The following PREP variants were observed in gnomAD, a reference collection of about 807,000 sequenced individuals.
The protein encoded by PREP is dJ355L5.1 (prolyl endopeptidase).
A neutral mutation model predicts 87.6 loss-of-function variants in PREP; 29 were observed. The observed-to-expected ratio is 0.33, with a 90% CI of 0.25 to 0.45. The LOEUF is 0.45. PREP is among the 20% of genes least tolerant of loss of function. The probability of loss-of-function intolerance (pLI) is 1.00; values close to 1 mark genes in which losing one functional copy is unlikely to be tolerated. For missense variants in PREP, 695 were observed against 886.5 expected, an observed-to-expected ratio of 0.78 and a Z score of 2.74; for synonymous variants, 337 against 328.6, an observed-to-expected ratio of 1.03 and a Z score of -0.28.
chr6:105,315,150 CT>C (rs1371107382), intron 10 of PREP, among the ~76,000 whole-genome samples: 1 of 152,074 alleles, frequency 6.6e-6, no homozygotes. Flanking sequence ...TAGCACAATT[CT>C]TTTTTTGTTT....
chr6:105,384,711 A>G (rs1772938329), intron 2 of PREP, among the ~76,000 whole-genome samples: 1 of 152,220 alleles, frequency 6.6e-6, no homozygotes, highest in South Asian at 2.1e-4. Flanking sequence ...GACAGAGATG[A>G]GTATTTGAAG....
At chr6:105,291,687 C>T (rs556504403) in intron 10 of PREP, among the ~76,000 whole-genome samples, 1 of 152,140 alleles carries the variant, frequency 6.6e-6, no homozygotes, top group East Asian at 1.9e-4. Flanking sequence ...ATTGTGGGAC[C>T]TTGTGATCAT....
intron 10 of PREP, among the ~76,000 whole-genome samples, chr6:105,293,502 T>A (rs1339274667): frequency 6.6e-6 from 1 of 151,548 alleles, no homozygotes; most frequent in Non-Finnish European, 1.5e-5. Context: ...TTTTGAGAAT[T>A]ATCAAAATGT....
At chr6:105,370,207 G>A (rs990283271) in intron 5 of PREP, among the ~76,000 whole-genome samples, 13 of 147,584 alleles carry the variant, frequency 8.8e-5, no homozygotes, top group African/African-American at 2.5e-4. Context: ...CTGAGATTAC[G>A]CCACTGCACT....
intron 9 of PREP, among the ~76,000 whole-genome samples, chr6:105,326,106 G>A (rs1273587481): frequency 6.6e-6 from 1 of 152,134 alleles, no homozygotes; most frequent in African/African-American, 2.4e-5. Context: ...CTGATTTTAG[G>A]TTGGGTTTTA....
chr6:105,275,042 T>C lies in PREP; in HGVS notation c.*3102A>G, dbSNP rs1748226542. ...CTCTGCACCTTCAGCCCCTGAGATA[T>C]GGAGGATGAGAATGGCTCAATGTTC... On this transcript the variant is annotated 3_prime_UTR_variant, in exon 15 of 15. Coordinates refer to ENST00000652536, the MANE Select transcript of PREP (RefSeq NM_002726.5). 6.6e-6 allele frequency among the ~76,000 whole-genome samples: 1 copy of C among 152,194 alleles called. No individual in the cohort carries two copies. The highest frequency in any genetic ancestry group is 1.5e-5 in the Non-Finnish European group (1 of 68,034).
At chr6:105,388,893 C>T (rs1214111041) in intron 2 of PREP, among the ~76,000 whole-genome samples, 1 of 152,224 alleles carries the variant, frequency 6.6e-6, no homozygotes, top group African/African-American at 2.4e-5. Context: ...AAAGACGCTA[C>T]TTTAAGGCTA....
At chr6:105,323,598 T>C in intron 10 of PREP, 67 bp downstream of exon 10, 1 of 1,360,928 alleles carries the variant, frequency 7.3e-7, no homozygotes, top group Non-Finnish European at 1.1e-6. Context: ...TAAGCTACAG[T>C]GTGAATGGCC....
intron 10 of PREP, among the ~76,000 whole-genome samples, chr6:105,290,876 C>T (rs1016711629): frequency 2.6e-5 from 4 of 152,158 alleles, no homozygotes; most frequent in African/African-American, 7.2e-5. Flanking sequence ...GTGAAGATGA[C>T]TTAATTGTGG....
chr6:105,320,879 C>T (rs1770986923), intron 10 of PREP, among the ~76,000 whole-genome samples: 1 of 152,162 alleles, frequency 6.6e-6, no homozygotes. Context: ...CCACAAATCC[C>T]TCTCCAGAGT....
In PREP at chr6:105,277,109, A is replaced by AAAGT. The variant is rs568970423; in HGVS notation, c.*1031_*1034dup. ...TGCCTTGAAAAAAATTTTATGGATGAAAGTTTAAGGAATAGTATATCTTAA... is the reference window on the plus strand; with the variant it reads ...TGCCTTGAAAAAAATTTTATGGATGAAAGTAAGTTTAAGGAATAGTATATCTTAA... On this transcript the variant is annotated 3_prime_UTR_variant, in exon 15 of 15. Coordinates refer to ENST00000652536, the MANE Select transcript of PREP (RefSeq NM_002726.5). Among the ~76,000 whole-genome samples the AAAGT allele has an allele frequency of 2.6e-4, 40 of 152,196 alleles. No homozygotes were observed. Among genetic ancestry groups the AAAGT allele is most frequent in the African/African-American group, 9.4e-4 (39 of 41,548 alleles).
intron 2 of PREP, among the ~76,000 whole-genome samples, chr6:105,381,661 T>C (rs1199557665): frequency 6.6e-6 from 1 of 152,220 alleles, no homozygotes; most frequent in Non-Finnish European, 1.5e-5. Context: ...CATAGATGAA[T>C]CTGAACACAT....
At chr6:105,391,055 A>ACACACG (rs1773130857) in intron 2 of PREP, among the ~76,000 whole-genome samples, 2 of 147,052 alleles carry the variant, frequency 1.4e-5, no homozygotes, top group South Asian at 4.4e-4. Context: ...ACACACACAC[A>ACACACG]CACACTTTTT....
At position 105,288,849 on chromosome 6, in the gene PREP, C is replaced by A; in HGVS notation, c.1363G>T (p.Val455Leu). 6.2e-7 allele frequency: 1 copy of A among 1,613,558 alleles called. No homozygotes were observed. The highest frequency in any genetic ancestry group is 8.5e-7 in the Non-Finnish European group (1 of 1,179,500). The change falls in exon 11 of 15, where the codon GTG (valine) becomes TTG (leucine). Residue 455 changes from valine (V) to leucine (L), a missense_variant. Val to Leu is a conservative substitution (Grantham distance 32, BLOSUM62 1). This residue lies in a region of PREP where 517 missense variants were observed against 620.3 expected (regional missense o/e 0.83). Transcript: ENST00000652536. Reference protein sequence around the residue: ...KDGTKIPMFIVHKKGIKLDGS... With the variant: ...KDGTKIPMFILHKKGIKLDGS... Reference sequence around the variant, plus strand: ...TCCAATTTTATGCCTTTTTTATGCACAATGAACATTGGAATCTTCGTACCA... The same window carrying A: ...TCCAATTTTATGCCTTTTTTATGCAAAATGAACATTGGAATCTTCGTACCA...
intron 14 of PREP, chr6:105,280,600 T>C (rs183253277): frequency 1.9e-4 from 29 of 152,062 alleles, no homozygotes; most frequent in African/African-American, 7.0e-4. Context: ...TTGAATATAT[T>C]CCTTTTTTTT....
intron 10 of PREP, among the ~76,000 whole-genome samples, chr6:105,320,177 T>G (rs1770968072): frequency 6.6e-6 from 1 of 152,260 alleles, no homozygotes; most frequent in Admixed American, 6.5e-5. Flanking sequence ...ATTACGTGGT[T>G]GTATCATTCA....
chr6:105,287,251 C>T (rs1225433410), intron 11 of PREP, among the ~76,000 whole-genome samples: 1 of 151,890 alleles, frequency 6.6e-6, no homozygotes, highest in Non-Finnish European at 1.5e-5. Flanking sequence ...ATCTCGTTGC[C>T]TGGGAAACTT....
intron 5 of PREP, among the ~76,000 whole-genome samples, chr6:105,371,982 T>G (rs1039840818): frequency 6.6e-6 from 1 of 152,228 alleles, no homozygotes; most frequent in African/African-American, 2.4e-5. Flanking sequence ...TAACATTTTC[T>G]AACTCTGGGG....
chr6:105,327,900 G>A (rs1314230256), intron 9 of PREP, among the ~76,000 whole-genome samples: 2 of 150,698 alleles, frequency 1.3e-5, no homozygotes, highest in Non-Finnish European at 1.5e-5. Context: ...AGTGCAGATG[G>A]ACAGAATGGA....
Sources: gnomAD v4.1 joint callset for allele counts (sites outside exome capture counted in the v4.1 genomes callset) on GRCh38, gnomAD v4.1.1 for gene constraint, gnomAD v4.1.1 regional missense constraint, MANE v1.5 for transcripts, NCBI Gene and HGNC (gene_info 2026-07-23, HGNC 2026-07-21) for gene names.